PKDCC: variants seen among roughly 807,000 people sequenced by gnomAD.
PKDCC encodes the protein protein kinase domain containing, cytoplasmic.
In PKDCC, 35 loss-of-function variants were observed where a neutral mutation model predicts 44.7. That is an observed-to-expected ratio of 0.78 (90% CI 0.60 to 1.04). The LOEUF (loss-of-function observed/expected upper bound fraction) is 1.04. Ranked by LOEUF, PKDCC falls within the 50% of genes least tolerant of loss-of-function variation. The pLI is 0.00. For synonymous variants in PKDCC, 353 were observed against 303.3 expected, an observed-to-expected ratio of 1.16 and a Z score of -1.70; for missense variants, 738 against 672.7, an observed-to-expected ratio of 1.10 and a Z score of -1.07.
At chr2:42,056,644 A>G (rs890387602) in intron 5 of PKDCC, among the ~76,000 whole-genome samples, 1 of 152,044 alleles carries the variant, frequency 6.6e-6, no homozygotes, top group Non-Finnish European at 1.5e-5. Context: ...TACACCTGTA[A>G]TCCCAGCACT....
chr2:42,054,192 G>T lies in PKDCC; in HGVS notation c.919G>T (p.Ala307Ser), dbSNP rs781660036. 6.2e-7 allele frequency: 1 copy of T among 1,608,450 alleles called. No homozygotes were observed. Among genetic ancestry groups the T allele is most frequent in the Non-Finnish European group, 8.5e-7 (1 of 1,177,308 alleles). ...DDARVEETPC[A>S]GSTDCILEFP... The stretch of plus-strand genomic sequence containing the variant: ...CGCACGTGTGGAGGAGACGCCGTGT[G>T]CAGGCAGCACCGACTGCATACTCGA... Residue 307 changes from alanine to serine, a missense_variant, in exon 3 of 7, where the codon GCA becomes TCA. By Grantham distance (99) the Ala-to-Ser change is moderately conservative (BLOSUM62 1). Transcript: ENST00000294964. This position sits in a 1 kb window ranked among gnomAD's most constrained non-coding sequence, Gnocchi z 6.1.
intron 2 of PKDCC, chr2:42,053,657 T>C (rs555388517): frequency 1.9e-6 from 1 of 522,744 alleles, no homozygotes; most frequent in South Asian, 2.7e-5. Flanking sequence ...TCAGCCTGAC[T>C]GCAGGAGGGC....
At position 42,058,105 on chromosome 2, in the gene PKDCC, G is replaced by A. The variant is rs550494432; in HGVS notation, c.*417G>A. The A allele has an allele frequency of 7.7e-5, 15 of 194,944 alleles. No homozygotes were observed. Among genetic ancestry groups the A allele is most frequent in the Admixed American group, 4.4e-4 (8 of 18,300 alleles). The allele number at this position is 194,944 out of a possible 1,614,324, so 12.1% of individuals were successfully genotyped here. On this transcript the variant is annotated 3_prime_UTR_variant, in exon 7 of 7. Coordinates refer to ENST00000294964, the MANE Select transcript of PKDCC (RefSeq NM_138370.3). The surrounding 1 kb of genome is among the most constrained non-coding windows in gnomAD (Gnocchi z 4.2). ...TGCCACAGCAGGCGGTGGGGGCTGC[G>A]TGGGGACAATCCATCGTGGAGTGTT...
rs1668034161 is a variant in PKDCC, at chr2:42,055,283, C to T, written c.1115-3C>T. On this transcript the variant is annotated splice_region_variant and splice_polypyrimidine_tract_variant and intron_variant, in intron 4 of 6. Transcript: ENST00000294964. The surrounding 1 kb of genome is among the most constrained non-coding windows in gnomAD (Gnocchi z 4.5). ...CCTGTCTTAGCCACACTGCACTCTG[C>T]AGGAGAGCTCGCCTGGGGGGTGGAC... is the stretch of plus-strand genomic sequence containing the variant. 1 of 1,611,810 alleles carries T rather than the reference C, an allele frequency of 6.2e-7. No individual in the cohort carries two copies. The highest frequency in any genetic ancestry group is 1.3e-5 in the African/African-American group (1 of 75,020).
chr2:42,050,566 T>C (rs550602940), intron 1 of PKDCC, among the ~76,000 whole-genome samples: 48 of 152,202 alleles, frequency 3.2e-4, no homozygotes, highest in African/African-American at 9.9e-4. Context: ...TCCTCTGAAA[T>C]GTCAGGCCCC....
In PKDCC at chr2:42,057,969, G is replaced by T. The variant is rs1668086109; in HGVS notation, c.*281G>T. The T allele has an allele frequency of 4.3e-6, 2 of 468,428 alleles. No individual in the cohort carries two copies. Among genetic ancestry groups the T allele is most frequent in the African/African-American group, 3.9e-5 (2 of 51,296 alleles). 29.0% of individuals were successfully genotyped at this position (468,428 alleles called of 1,614,324 possible). ...GTGGGCTGTAAGCAAGCTCAGGCTA[G>T]TCTCCCCACTGGGGGCTGTGCCCCT... On this transcript the variant is annotated 3_prime_UTR_variant, in exon 7 of 7. Transcript: ENST00000294964.
In PKDCC at chr2:42,053,196, C is replaced by A; in HGVS notation, c.640-43C>A. 15 of 1,328,872 alleles carry A rather than the reference C, an allele frequency of 1.1e-5. 1 individual carries two copies. Among genetic ancestry groups the A allele is most frequent in the Admixed American group, 4.2e-5 (2 of 47,170 alleles). The allele number at this position is 1,328,872 out of a possible 1,614,324, so 82.3% of individuals were successfully genotyped here. A position where few individuals can be genotyped will look rare whatever the true frequency, so the allele number is the denominator to read the frequency against. On this transcript the variant is annotated intron_variant, in intron 1 of 6. Transcript: ENST00000294964. ...ACAGTCCAGCCCTTCCCTGTCCCCA[C>A]CCCCACCCTGTGACCTAATGACCTG...
Position 42,048,950 on chromosome 2 carries a change from C to T in PKDCC, c.639+112C>T, listed in dbSNP as rs1344111437. ...TGGAGTGCCAGTGACTGCACCCAGGCTAAGCTAGACGCAGAAACCGGACCA... is the reference window on the plus strand; with the variant it reads ...TGGAGTGCCAGTGACTGCACCCAGGTTAAGCTAGACGCAGAAACCGGACCA... On this transcript the variant is annotated intron_variant, in intron 1 of 6. Coordinates refer to ENST00000294964, the MANE Select transcript of PKDCC (RefSeq NM_138370.3). The surrounding 1 kb of genome is among the most constrained non-coding windows in gnomAD (Gnocchi z 6.2). 3.0e-6 allele frequency: 4 copies of T among 1,321,586 alleles called. No homozygotes were observed. The highest frequency in any genetic ancestry group is 3.9e-6 in the Non-Finnish European group (4 of 1,031,558). 81.9% of individuals were successfully genotyped at this position (1,321,586 alleles called of 1,614,324 possible).
At position 42,055,393 on chromosome 2, in the gene PKDCC, G is replaced by C. The variant is rs200003897; in HGVS notation, c.1222G>C (p.Glu408Gln). ...GAACTCCACGGCAAGCAGCAGTACC[G>C]GTGAGTGGCCCCAAGCTGATCCACA... Reference protein sequence around the residue: ...LQNSTASSSTEYQCIPDSTIP... With the variant: ...LQNSTASSSTQYQCIPDSTIP... Residue 408 changes from glutamate (E) to glutamine (Q), a missense_variant and splice_region_variant, in exon 5 of 7, where the codon GAG becomes CAG. Coordinates refer to ENST00000294964, the MANE Select transcript of PKDCC (RefSeq NM_138370.3). This position sits in a 1 kb window ranked among gnomAD's most constrained non-coding sequence, Gnocchi z 4.5. The C allele has an allele frequency of 3.1e-6, 5 of 1,612,666 alleles. No individual in the cohort carries two copies. Among genetic ancestry groups the C allele is most frequent in the African/African-American group, 1.3e-5 (1 of 75,032 alleles).
intron 5 of PKDCC, among the ~76,000 whole-genome samples, chr2:42,056,198 G>C (rs191989864): frequency 2.0e-5 from 3 of 152,124 alleles, no homozygotes; most frequent in Non-Finnish European, 4.4e-5. Flanking sequence ...GAGGCAGGAG[G>C]GTGGGGTGGC....
intron 2 of PKDCC, chr2:42,053,673 T>G: frequency 1.9e-6 from 1 of 520,604 alleles, no homozygotes; most frequent in Non-Finnish European, 3.4e-6. Flanking sequence ...AGGGCCAGTG[T>G]CCTAGAACTA....
chr2:42,048,984 C>T lies in PKDCC; in HGVS notation c.639+146C>T. 1 of 1,261,174 alleles carries T rather than the reference C, an allele frequency of 7.9e-7. No homozygotes were observed. Among genetic ancestry groups the T allele is most frequent in the Non-Finnish European group, 1.0e-6 (1 of 980,958 alleles). 78.1% of individuals were successfully genotyped at this position (1,261,174 alleles called of 1,614,324 possible). On this transcript the variant is annotated intron_variant, in intron 1 of 6. Transcript: ENST00000294964. The surrounding 1 kb of genome is among the most constrained non-coding windows in gnomAD (Gnocchi z 6.2). ...ACGCAGAAACCGGACCATGGCCCTT[C>T]CCACTGCACCACCCTGCTTCTCACT...
chr2:42,054,281 G>A lies in PKDCC; in HGVS notation c.1008G>A (p.Glu336=), dbSNP rs1049591413. ...AGGGCTGGTGCGAGGGCATGAACGA[G>A]AAGCGGAACCTCTATAATGCCTACA... is the stretch of plus-strand genomic sequence containing the variant. The part of the protein sequence containing the change: ...SAQGWCEGMN[E]KRNLYNAYRF... Residue 336 remains glutamate (E), a synonymous_variant, in exon 3 of 7, where the codon GAG becomes GAA. Coordinates refer to ENST00000294964, the MANE Select transcript of PKDCC (RefSeq NM_138370.3). This position sits in a 1 kb window ranked among gnomAD's most constrained non-coding sequence, Gnocchi z 6.1. The A allele has an allele frequency of 1.9e-6, 3 of 1,605,786 alleles. No individual in the cohort carries two copies. Among genetic ancestry groups the A allele is most frequent in the African/African-American group, 1.3e-5 (1 of 74,892 alleles).
In PKDCC at chr2:42,057,814, A is replaced by G; in HGVS notation, c.*126A>G. The G allele has an allele frequency of 1.3e-6, 1 of 751,316 alleles. No homozygotes were observed. The highest frequency in any genetic ancestry group is 2.2e-6 in the Non-Finnish European group (1 of 456,830). 46.5% of individuals were successfully genotyped at this position (751,316 alleles called of 1,614,324 possible). On this transcript the variant is annotated 3_prime_UTR_variant, in exon 7 of 7. Transcript: ENST00000294964. ...CCCCTGCAGACAAAGCTAACATCCC[A>G]GACAGACAGATGTGACCAGGACAAA...
chr2:42,055,209 T>A lies in PKDCC; in HGVS notation c.1115-77T>A. 1 of 1,405,798 alleles carries A rather than the reference T, an allele frequency of 7.1e-7. No individual in the cohort carries two copies. The highest frequency in any genetic ancestry group is 9.8e-7 in the Non-Finnish European group (1 of 1,015,466). 87.1% of individuals were successfully genotyped at this position (1,405,798 alleles called of 1,614,324 possible). On this transcript the variant is annotated intron_variant, in intron 4 of 6. Coordinates refer to ENST00000294964, the MANE Select transcript of PKDCC (RefSeq NM_138370.3). This position sits in a 1 kb window ranked among gnomAD's most constrained non-coding sequence, Gnocchi z 4.5. ...GGGGCACAGGCTCTGGAGGCAGAGG[T>A]GGGAGCAGCTGGCTGCTGACTTCAG...
At chr2:42,050,229 G>C (rs145573443) in intron 1 of PKDCC, among the ~76,000 whole-genome samples, 1 of 152,306 alleles carries the variant, frequency 6.6e-6, no homozygotes, top group East Asian at 1.9e-4. Context: ...AGCTCACACC[G>C]TGTCTGCAGC....
Position 42,054,560 on chromosome 2 carries a change from C to A in PKDCC, c.1034+253C>A. Reference sequence around the variant, plus strand: ...TCTTAAAATAGTGTTGGACTCGGAGCCTAGGGCTGGTGGAACTGGCACTTT... The same window carrying A: ...TCTTAAAATAGTGTTGGACTCGGAGACTAGGGCTGGTGGAACTGGCACTTT... On this transcript the variant is annotated intron_variant, in intron 3 of 6. Transcript: ENST00000294964. The surrounding 1 kb of genome is among the most constrained non-coding windows in gnomAD (Gnocchi z 6.1). The A allele has an allele frequency of 1.8e-6, 1 of 565,512 alleles. No homozygotes were observed. The highest frequency in any genetic ancestry group is 3.1e-6 in the Non-Finnish European group (1 of 321,776). 35.0% of individuals were successfully genotyped at this position (565,512 alleles called of 1,614,324 possible).
Position 42,054,712 on chromosome 2 carries a change from G to T in PKDCC, c.1035-229G>T. 5.1e-6 allele frequency: 3 copies of T among 592,472 alleles called. No individual in the cohort carries two copies. Among genetic ancestry groups the T allele is most frequent in the Non-Finnish European group, 9.0e-6 (3 of 332,922 alleles). The allele number at this position is 592,472 out of a possible 1,614,324, so 36.7% of individuals were successfully genotyped here. The stretch of plus-strand genomic sequence containing the variant: ...TGGGAGGTGGGCAAGTCCTGGGAAG[G>T]GTTGGGAAGCAGGCCCCTGGTTTCG... On this transcript the variant is annotated intron_variant, in intron 3 of 6. Transcript: ENST00000294964. The surrounding 1 kb of genome is among the most constrained non-coding windows in gnomAD (Gnocchi z 6.1).
In PKDCC at chr2:42,054,067, A is replaced by C; in HGVS notation, c.794A>C (p.His265Pro). ...CTGAGCCTGGGCCGCCTCCTCCACC[A>C]CCTGGCCCACTCCCCACTGGGCTCC... ...ICLSLGRLLH[H>P]LAHSPLGSVT... The change falls in exon 3 of 7, where the codon CAC becomes CCC. Residue 265 changes from histidine to proline, a missense_variant. His to Pro is a moderately conservative substitution (Grantham distance 77). Transcript: ENST00000294964. The surrounding 1 kb of genome is among the most constrained non-coding windows in gnomAD (Gnocchi z 6.1). The C allele has an allele frequency of 6.2e-7, 1 of 1,611,952 alleles. No individual in the cohort carries two copies. The highest frequency in any genetic ancestry group is 2.2e-5 in the East Asian group (1 of 44,876).
Sources: allele counts gnomAD v4.1 joint callset (sites outside exome capture counted in the v4.1 genomes callset), GRCh38; gene constraint gnomAD v4.1.1; non-coding constraint Gnocchi (gnomAD v3.1); transcripts MANE v1.5; gene names NCBI Gene and HGNC (gene_info 2026-07-23, HGNC 2026-07-21).